The following RAPGEF1 variants were observed in gnomAD, a reference collection of about 807,000 sequenced individuals.
RAPGEF1 encodes CRK SH3-binding GNRP.
In RAPGEF1, 33 loss-of-function variants were observed where a neutral mutation model predicts 143.3. The observed-to-expected ratio is 0.23, with a 90% CI of 0.17 to 0.31. The LOEUF (loss-of-function observed/expected upper bound fraction) is 0.31. Ranked by LOEUF, RAPGEF1 falls within the 10% of genes least tolerant of loss-of-function variation. RAPGEF1 has a pLI of 1.00. For synonymous variants in RAPGEF1, 629 were observed against 676.5 expected, an observed-to-expected ratio of 0.93 and a Z score of 1.09; for missense variants, 1,199 against 1,645.4, an observed-to-expected ratio of 0.73 and a Z score of 4.69.
intron 22 of RAPGEF1, among the ~76,000 whole-genome samples, chr9:131,585,485 G>T (rs1001065704): frequency 1.4e-4 from 21 of 152,228 alleles, no homozygotes; most frequent in African/African-American, 5.1e-4. Flanking sequence ...TCGCACCTCT[G>T]TGCAGCCAGG....
intron 10 of RAPGEF1, among the ~76,000 whole-genome samples, chr9:131,623,513 A>C (rs1961917670): frequency 6.6e-6 from 1 of 152,240 alleles, no homozygotes; most frequent in South Asian, 2.1e-4. Flanking sequence ...TTGATGTTGA[A>C]GTCCTTGTAG....
At chr9:131,659,661 G>T (rs1973461511) in intron 1 of RAPGEF1, among the ~76,000 whole-genome samples, 1 of 152,168 alleles carries the variant, frequency 6.6e-6, no homozygotes, top group Admixed American at 6.5e-5. Context: ...TGTGACCCGT[G>T]TGTAAAGCAT....
chr9:131,700,287 G>A (rs187800539), intron 1 of RAPGEF1, among the ~76,000 whole-genome samples: 14 of 152,164 alleles, frequency 9.2e-5, no homozygotes, highest in African/African-American at 2.6e-4. Flanking sequence ...TTCCTTTTCC[G>A]GAGCGCGCCT....
chr9:131,694,119 C>T (rs890364541), intron 1 of RAPGEF1, among the ~76,000 whole-genome samples: 2 of 152,130 alleles, frequency 1.3e-5, no homozygotes, highest in African/African-American at 4.8e-5. Context: ...TCCTCTCCCT[C>T]CCCAAGGGCC....
intron 1 of RAPGEF1, among the ~76,000 whole-genome samples, chr9:131,665,606 GA>G (rs1282820729): frequency 6.6e-6 from 1 of 152,054 alleles, no homozygotes; most frequent in African/African-American, 2.4e-5. Context: ...CTCCCTCAGA[GA>G]GGCCCTGTGT....
intron 13 of RAPGEF1, 56 bp downstream of exon 13, chr9:131,604,875 C>G: frequency 8.0e-7 from 1 of 1,244,378 alleles, no homozygotes; most frequent in Non-Finnish European, 1.0e-6. Flanking sequence ...CGTGCAGCCC[C>G]ATGTGCAGGG....
intron 15 of RAPGEF1, among the ~76,000 whole-genome samples, chr9:131,599,257 G>A (rs535210298): frequency 6.6e-5 from 10 of 151,798 alleles, no homozygotes; most frequent in Non-Finnish European, 1.3e-4. Flanking sequence ...CCCAAGTAGC[G>A]AGGACTACAG....
intron 1 of RAPGEF1, chr9:131,709,734 G>A: frequency 3.1e-6 from 5 of 1,612,764 alleles, no homozygotes; most frequent in Non-Finnish European, 3.4e-6. Context: ...TCTTTCCGGA[G>A]CAGCAACTGA....
chr9:131,594,418 C>G (rs572619500), intron 17 of RAPGEF1, among the ~76,000 whole-genome samples: 1 of 152,356 alleles, frequency 6.6e-6, no homozygotes, highest in African/African-American at 2.4e-5. Flanking sequence ...ACCTGACCTT[C>G]TCCCATGCAG....
At chr9:131,684,370 T>G (rs1182085643) in intron 1 of RAPGEF1, among the ~76,000 whole-genome samples, 2 of 152,234 alleles carry the variant, frequency 1.3e-5, no homozygotes, top group Admixed American at 1.3e-4. Context: ...CCAGCTTCTA[T>G]TAAAACAATA....
chr9:131,609,890 G>T (rs1301716135), intron 12 of RAPGEF1, among the ~76,000 whole-genome samples: 4 of 152,138 alleles, frequency 2.6e-5, no homozygotes, highest in Middle Eastern at 3.2e-3. Flanking sequence ...AAGCAGGAAA[G>T]ATCTTTTTCT....
chr9:131,655,882 C>T lies in RAPGEF1; in HGVS notation c.62-4933G>A, dbSNP rs1338532243. Among the ~76,000 whole-genome samples, 4 of 151,952 alleles carry T rather than the reference C, an allele frequency of 2.6e-5. No individual in the cohort carries two copies. Among genetic ancestry groups the T allele is most frequent in the South Asian group, 2.1e-4 (1 of 4,814 alleles). ...GATTACAGGTGTGAGCCACCGCGCC[C>T]GGCCAAAAAATTTTCTAAAAGGGGG... On this transcript the variant is annotated intron_variant, in intron 1 of 26. Coordinates refer to ENST00000683357, the MANE Select transcript of RAPGEF1 (RefSeq NM_001377935.1). This position sits in a 1 kb window ranked among gnomAD's most constrained non-coding sequence, Gnocchi z 4.1.
At chr9:131,627,379 T>C (rs1207703865) in intron 9 of RAPGEF1, among the ~76,000 whole-genome samples, 1 of 152,180 alleles carries the variant, frequency 6.6e-6, no homozygotes, top group African/African-American at 2.4e-5. Flanking sequence ...AAAATCTTGC[T>C]ATTAATCACT....
At chr9:131,684,336 C>G (rs1027981124) in intron 1 of RAPGEF1, among the ~76,000 whole-genome samples, 1 of 152,204 alleles carries the variant, frequency 6.6e-6, no homozygotes, top group South Asian at 2.1e-4. Context: ...TCACCTTTTG[C>G]AGTGTTTTGC....
chr9:131,726,591 A>C (rs1034139492), intron 1 of RAPGEF1, among the ~76,000 whole-genome samples: 2 of 116,054 alleles, frequency 1.7e-5, no homozygotes, highest in East Asian at 2.4e-4. Context: ...GCACTGCTGC[A>C]CTCCAGCCTG....
intron 1 of RAPGEF1, among the ~76,000 whole-genome samples, chr9:131,664,232 C>A (rs1830067147): frequency 6.6e-6 from 1 of 152,128 alleles, no homozygotes; most frequent in Non-Finnish European, 1.5e-5. Flanking sequence ...TTCCCTACCC[C>A]ATTTCTCCAG....
At chr9:131,699,280 T>C (rs546717729) in intron 1 of RAPGEF1, among the ~76,000 whole-genome samples, 2 of 151,172 alleles carry the variant, frequency 1.3e-5, no homozygotes, top group South Asian at 4.2e-4. Context: ...GTTTTGCTCT[T>C]GTTGCCCAGG....
chr9:131,678,126 T>C (rs1163217212), intron 1 of RAPGEF1, among the ~76,000 whole-genome samples: 1 of 152,232 alleles, frequency 6.6e-6, no homozygotes, highest in Non-Finnish European at 1.5e-5. Flanking sequence ...TAGGTATTTA[T>C]TTAGAAAACA....
At chr9:131,681,204 C>A (rs1832879489) in intron 1 of RAPGEF1, among the ~76,000 whole-genome samples, 1 of 152,096 alleles carries the variant, frequency 6.6e-6, no homozygotes, top group South Asian at 2.1e-4. Flanking sequence ...CCCCTCTGCA[C>A]CCCCTCATTA....
Sources: allele counts gnomAD v4.1 joint callset (sites outside exome capture counted in the v4.1 genomes callset), GRCh38; gene constraint gnomAD v4.1.1; non-coding constraint Gnocchi (gnomAD v3.1); transcripts MANE v1.5; gene names NCBI Gene and HGNC (gene_info 2026-07-23, HGNC 2026-07-21).